The following CEP128 variants were observed in gnomAD, a reference collection of about 807,000 sequenced individuals.
CEP128 encodes centrosomal protein 128, also known as centrosomal protein 128kDa.
In CEP128, 132 loss-of-function variants were observed where a neutral mutation model predicts 156.7. The observed-to-expected ratio is 0.84, with a 90% CI of 0.73 to 0.97. The LOEUF (loss-of-function observed/expected upper bound fraction) is 0.97, where lower values mean the gene tolerates loss of function less well. Among genes scored for constraint, CEP128 ranks in the 50% least tolerant of loss-of-function variants. CEP128 has a pLI of 0.00. For synonymous variants in CEP128, 469 were observed against 448.9 expected, an observed-to-expected ratio of 1.04 and a Z score of -0.57; for missense variants, 1,252 against 1,281.9, an observed-to-expected ratio of 0.98 and a Z score of 0.36.
intron 19 of CEP128, among the ~76,000 whole-genome samples, chr14:80,687,935 T>A (rs534644912): frequency 7.9e-5 from 12 of 152,268 alleles, no homozygotes; most frequent in African/African-American, 2.9e-4. Flanking sequence ...AGTCTGGGAA[T>A]TAATAACAAT....
chr14:80,740,238 A>G (rs1250718901), intron 19 of CEP128, among the ~76,000 whole-genome samples: 1 of 152,072 alleles, frequency 6.6e-6, no homozygotes, highest in East Asian at 1.9e-4. Context: ...CTTTCTAGGC[A>G]TTGGAGACAC....
At chr14:80,547,844 G>T (rs1282891986) in intron 21 of CEP128, among the ~76,000 whole-genome samples, 1 of 147,582 alleles carries the variant, frequency 6.8e-6, no homozygotes, top group Admixed American at 6.8e-5. Flanking sequence ...TTTTGCCCAA[G>T]CTGGAGTGCA....
intron 19 of CEP128, among the ~76,000 whole-genome samples, chr14:80,680,793 C>A (rs1445920716): frequency 6.6e-6 from 1 of 152,168 alleles, no homozygotes; most frequent in African/African-American, 2.4e-5. Context: ...TGCTTGGTGA[C>A]CAGACACTGG....
intron 19 of CEP128, among the ~76,000 whole-genome samples, chr14:80,594,979 A>C (rs1364180855): frequency 1.3e-5 from 2 of 152,182 alleles, no homozygotes; most frequent in Non-Finnish European, 2.9e-5. Flanking sequence ...ACTGGGTATA[A>C]ACTCAAAGGA....
intron 21 of CEP128, among the ~76,000 whole-genome samples, chr14:80,537,990 G>T (rs1889563962): frequency 6.6e-6 from 1 of 152,090 alleles, no homozygotes. Flanking sequence ...GCAAAATGGG[G>T]ATCAATATTA....
intron 21 of CEP128, among the ~76,000 whole-genome samples, chr14:80,534,603 A>T (rs1258862299): frequency 2.0e-5 from 3 of 152,146 alleles, no homozygotes; most frequent in Non-Finnish European, 4.4e-5. Context: ...AGGCGGGTGG[A>T]TCATGAGGTC....
At chr14:80,490,839 C>T (rs190342858) in intron 6 of CEP128, 110 of 152,252 alleles carry the variant, frequency 7.2e-4, no homozygotes, top group African/African-American at 2.6e-3. Flanking sequence ...TCAGAGAAGG[C>T]TATTATAAAA....
chr14:80,784,624 C>G lies in CEP128; in HGVS notation c.2211+271G>C, dbSNP rs1901298132. ...ATGAGGGCACGTTTCAGGTCCATGA[C>G]TTACTGCCACCTCTGCCTTTCCTGA... is the stretch of plus-strand genomic sequence containing the variant. On this transcript the variant is annotated intron_variant, in intron 15 of 24. Transcript: ENST00000555265. 2.0e-5 allele frequency among the ~76,000 whole-genome samples: 3 copies of G among 152,134 alleles called. No homozygotes were observed. In the South Asian group the frequency reaches 6.2e-4, roughly 32 times the overall value.
chr14:80,749,393 G>C (rs1899273703), intron 18 of CEP128, among the ~76,000 whole-genome samples: 1 of 152,196 alleles, frequency 6.6e-6, no homozygotes, highest in Non-Finnish European at 1.5e-5. Context: ...TCCATCGACA[G>C]ACAAATGGAT....
chr14:80,586,262 T>C (rs1891817957), intron 19 of CEP128, among the ~76,000 whole-genome samples: 1 of 152,220 alleles, frequency 6.6e-6, no homozygotes, highest in Non-Finnish European at 1.5e-5. Context: ...CCCACCAAGC[T>C]CCTTCCTATC....
intron 13 of CEP128, chr14:80,830,606 C>G (rs568466129): frequency 4.0e-4 from 70 of 174,928 alleles, no homozygotes; most frequent in Non-Finnish European, 6.9e-4. Flanking sequence ...GAAATGGTAG[C>G]TGCCTAGTTA....
intron 19 of CEP128, among the ~76,000 whole-genome samples, chr14:80,656,481 G>A (rs1035249775): frequency 8.6e-5 from 13 of 150,704 alleles, no homozygotes; most frequent in Admixed American, 2.0e-4. Context: ...TATGAGAGCC[G>A]TGAGTAAAAA....
intron 17 of CEP128, among the ~76,000 whole-genome samples, 184 bp from the exon 18 acceptor site, chr14:80,757,135 A>G (rs1899707964): frequency 6.6e-6 from 1 of 152,216 alleles, no homozygotes; most frequent in Non-Finnish European, 1.5e-5. Flanking sequence ...CTTTTTATGT[A>G]TGTATTCATT....
At chr14:80,584,988 T>A (rs940629221) in intron 19 of CEP128, among the ~76,000 whole-genome samples, 3 of 152,260 alleles carry the variant, frequency 2.0e-5, no homozygotes, top group African/African-American at 7.2e-5. Flanking sequence ...TCAACTACCA[T>A]GTAAATTGCT....
intron 9 of CEP128, among the ~76,000 whole-genome samples, chr14:80,856,448 C>T (rs1003042248): frequency 7.2e-5 from 11 of 152,058 alleles, no homozygotes; most frequent in African/African-American, 2.4e-4. Context: ...AGTCTGAGAC[C>T]ACTCTGGGCA....
intron 19 of CEP128, among the ~76,000 whole-genome samples, chr14:80,724,130 T>G: frequency 6.6e-6 from 1 of 152,186 alleles, no homozygotes; most frequent in East Asian, 1.9e-4. Flanking sequence ...ATATTTGGCT[T>G]CCTCCTGACC....
At chr14:80,789,871 G>C (rs1350351761) in intron 14 of CEP128, among the ~76,000 whole-genome samples, 1 of 149,468 alleles carries the variant, frequency 6.7e-6, no homozygotes, top group African/African-American at 2.5e-5. Flanking sequence ...TGTTTTTTTT[G>C]TTGTTGTTTT....
chr14:80,618,109 AAAGAT>A (rs1327914959), intron 19 of CEP128, among the ~76,000 whole-genome samples: 1 of 152,246 alleles, frequency 6.6e-6, no homozygotes, highest in Non-Finnish European at 1.5e-5. Context: ...AACATGCAAT[AAAGAT>A]AAGTATGCAA....
intron 16 of CEP128, among the ~76,000 whole-genome samples, chr14:80,774,348 G>A (rs1004068253): frequency 6.6e-6 from 1 of 152,092 alleles, no homozygotes; most frequent in Non-Finnish European, 1.5e-5. Context: ...TGTTGAGGAT[G>A]GGCATGCAAA....
Sources: gnomAD v4.1 joint callset for allele counts (sites outside exome capture counted in the v4.1 genomes callset) on GRCh38, gnomAD v4.1.1 for gene constraint, MANE v1.5 for transcripts, NCBI Gene and HGNC (gene_info 2026-07-23, HGNC 2026-07-21) for gene names.